PXYLP1: variants seen among roughly 807,000 people sequenced by gnomAD.
PXYLP1 encodes the protein acid phosphatase-like 2.
Under a neutral mutation model 37.9 loss-of-function variants are expected in PXYLP1, and 17 were observed. The ratio of observed to expected loss-of-function variants is 0.45; its 90% confidence interval spans 0.31 to 0.67. The LOEUF (loss-of-function observed/expected upper bound fraction) is 0.67. PXYLP1 is among the 30% of genes least tolerant of loss of function. PXYLP1 has a pLI of 0.07. For synonymous variants in PXYLP1, 221 were observed against 232.2 expected (o/e 0.95, Z 0.44); for missense variants, 511 against 612.0 (o/e 0.84, Z 1.74).
At chr3:141,280,090 A>G (rs1426564522) in intron 4 of PXYLP1, among the ~76,000 whole-genome samples, 1 of 152,270 alleles carries the variant, frequency 6.6e-6, no homozygotes, top group East Asian at 1.9e-4. Flanking sequence ...TGGAAATTGT[A>G]TGGAAATGGC....
chr3:141,262,703 T>C (rs1400423123), intron 2 of PXYLP1: 2 of 1,534,624 alleles, frequency 1.3e-6, no homozygotes, highest in Non-Finnish European at 1.7e-6. Context: ...GATATGGACG[T>C]TCTTACTGCT....
At chr3:141,259,726 C>T (rs986065337) in intron 1 of PXYLP1, among the ~76,000 whole-genome samples, 2 of 152,146 alleles carry the variant, frequency 1.3e-5, no homozygotes, top group Non-Finnish European at 2.9e-5. Context: ...CACCAAAAAA[C>T]CTTGAAGATT....
rs562690118 is a variant in PXYLP1 at position 141,265,895 on chromosome 3, G to A, written c.79+5641G>A. Among the ~76,000 whole-genome samples the A allele has an allele frequency of 6.6e-5, 10 of 152,342 alleles. No individual in the cohort carries two copies. The South Asian group carries it at 1.9e-3, about 28-fold the overall frequency. On this transcript the variant is annotated intron_variant, in intron 2 of 5. Coordinates refer to ENST00000286353, the MANE Select transcript of PXYLP1 (RefSeq NM_001037172.3). Reference sequence around the variant, plus strand: ...GTGCTCAGAGCAGGAAGGGAAGTGGGACAGGGCCTAAGCAGCAGGACAATC... The same window carrying A: ...GTGCTCAGAGCAGGAAGGGAAGTGGAACAGGGCCTAAGCAGCAGGACAATC...
At chr3:141,249,086 C>T (rs1941081791) in intron 1 of PXYLP1, among the ~76,000 whole-genome samples, 1 of 151,874 alleles carries the variant, frequency 6.6e-6, no homozygotes, top group South Asian at 2.1e-4. Context: ...CTGACACTGT[C>T]AACCTCCTAC....
chr3:141,289,313 A>G (rs1344647211), intron 5 of PXYLP1, among the ~76,000 whole-genome samples: 2 of 152,198 alleles, frequency 1.3e-5, no homozygotes, highest in African/African-American at 4.8e-5. Context: ...AAAGTATTCA[A>G]ATATGTTTTG....
chr3:141,263,107 GA>G (rs1941430754), intron 2 of PXYLP1, among the ~76,000 whole-genome samples: 1 of 152,188 alleles, frequency 6.6e-6, no homozygotes, highest in Non-Finnish European at 1.5e-5. Context: ...ATGTGAAGAA[GA>G]AATAGCCCAG....
chr3:141,240,207 C>T (rs1036495797), intron 1 of PXYLP1, among the ~76,000 whole-genome samples: 1 of 152,166 alleles, frequency 6.6e-6, no homozygotes, highest in Non-Finnish European at 1.5e-5. Flanking sequence ...ATTTCATGGC[C>T]AGAACTGTAT....
chr3:141,284,613 T>C (rs1942029672), intron 4 of PXYLP1, among the ~76,000 whole-genome samples: 1 of 152,232 alleles, frequency 6.6e-6, no homozygotes, highest in East Asian at 1.9e-4. Context: ...TAAAATGGTG[T>C]TGTATTTACA....
intron 2 of PXYLP1, among the ~76,000 whole-genome samples, chr3:141,272,211 G>GT (rs1941681330): frequency 6.6e-6 from 1 of 152,138 alleles, no homozygotes; most frequent in Admixed American, 6.5e-5. Flanking sequence ...AGATAATGAG[G>GT]TGGCAGCAGA....
chr3:141,286,849 T>C (rs752661629), intron 4 of PXYLP1, among the ~76,000 whole-genome samples: 1 of 152,136 alleles, frequency 6.6e-6, no homozygotes, highest in Non-Finnish European at 1.5e-5. Flanking sequence ...GGCCAGAACC[T>C]AGGTAGTAGC....
intron 2 of PXYLP1, among the ~76,000 whole-genome samples, chr3:141,261,338 G>A (rs1373224198): frequency 6.6e-6 from 1 of 152,064 alleles, no homozygotes; most frequent in Non-Finnish European, 1.5e-5. Flanking sequence ...TATTTTTATA[G>A]CGACAGGGCA....
intron 4 of PXYLP1, among the ~76,000 whole-genome samples, chr3:141,283,622 T>G (rs766678021): frequency 1.3e-5 from 2 of 152,176 alleles, no homozygotes; most frequent in Non-Finnish European, 2.9e-5. Context: ...GCTTATCTTT[T>G]CATAATCTCA....
intron 5 of PXYLP1, among the ~76,000 whole-genome samples, chr3:141,288,676 T>C (rs1373630235): frequency 6.6e-6 from 1 of 152,210 alleles, no homozygotes; most frequent in Admixed American, 6.5e-5. Flanking sequence ...GGATAATCGT[T>C]TGAGCCTGAG....
At chr3:141,254,710 G>T (rs542645177) in intron 1 of PXYLP1, among the ~76,000 whole-genome samples, 1 of 151,732 alleles carries the variant, frequency 6.6e-6, no homozygotes, top group African/African-American at 2.4e-5. Flanking sequence ...AGACTTGAAG[G>T]GTTTTTTTTT....
At chr3:141,287,047 G>C (rs190314261) in intron 4 of PXYLP1, among the ~76,000 whole-genome samples, 7 of 152,236 alleles carry the variant, frequency 4.6e-5, no homozygotes, top group Middle Eastern at 3.2e-3. Flanking sequence ...AGGTTGGGGA[G>C]CCGGAAGATA....
At chr3:141,254,942 T>G (rs1285307887) in intron 1 of PXYLP1, among the ~76,000 whole-genome samples, 1 of 152,076 alleles carries the variant, frequency 6.6e-6, no homozygotes, top group Non-Finnish European at 1.5e-5. Flanking sequence ...TGGACCAGAG[T>G]TTGTCACTAG....
At chr3:141,253,134 C>T (rs1269613327) in intron 1 of PXYLP1, among the ~76,000 whole-genome samples, 1 of 152,206 alleles carries the variant, frequency 6.6e-6, no homozygotes, top group South Asian at 2.1e-4. Flanking sequence ...GCTCAGTCAG[C>T]TTAGTGCCCA....
At chr3:141,283,715 T>C (rs1485370803) in intron 4 of PXYLP1, among the ~76,000 whole-genome samples, 1 of 152,012 alleles carries the variant, frequency 6.6e-6, no homozygotes, top group Non-Finnish European at 1.5e-5. Flanking sequence ...CAGCTATGTA[T>C]GCTCTTTTGG....
At chr3:141,257,946 A>G (rs1941302392) in intron 1 of PXYLP1, among the ~76,000 whole-genome samples, 1 of 151,642 alleles carries the variant, frequency 6.6e-6, no homozygotes, top group South Asian at 2.1e-4. Flanking sequence ...AGAGAAAGAA[A>G]GAAGAAAATG....
Sources: gnomAD v4.1 joint callset for allele counts (sites outside exome capture counted in the v4.1 genomes callset) on GRCh38, gnomAD v4.1.1 for gene constraint, MANE v1.5 for transcripts, NCBI Gene and HGNC (gene_info 2026-07-23, HGNC 2026-07-21) for gene names.